HCN1: variants seen among roughly 807,000 people sequenced by gnomAD.
HCN1 encodes the protein hyperpolarization activated cyclic nucleotide gated potassium channel 1.
A neutral mutation model predicts 78.9 loss-of-function variants in HCN1; 13 were observed. The observed-to-expected ratio is 0.16, with a 90% CI of 0.11 to 0.26. The LOEUF (loss-of-function observed/expected upper bound fraction) is 0.26, where lower values mean the gene tolerates loss of function less well. Among genes scored for constraint, HCN1 ranks in the 10% least tolerant of loss-of-function variants. The pLI, the probability that HCN1 is intolerant of heterozygous loss-of-function variation, is 1.00. For missense variants in HCN1, 810 were observed against 1,154.3 expected, an observed-to-expected ratio of 0.70 and a Z score of 4.32; for synonymous variants, 552 against 455.5, an observed-to-expected ratio of 1.21 and a Z score of -2.70.
At chr5:45,600,197 G>A (rs572268468) in intron 2 of HCN1, among the ~76,000 whole-genome samples, 11 of 150,806 alleles carry the variant, frequency 7.3e-5, no homozygotes, top group South Asian at 2.1e-4. Flanking sequence ...ACACACACAC[G>A]CACACACACA....
At chr5:45,291,122 C>T (rs143168665) in intron 6 of HCN1, among the ~76,000 whole-genome samples, 19 of 152,066 alleles carry the variant, frequency 1.2e-4, no homozygotes, top group South Asian at 8.3e-4. Context: ...TTTGTTATCA[C>T]CAATAGCTTA....
At chr5:45,521,318 T>C (rs961737900) in intron 2 of HCN1, among the ~76,000 whole-genome samples, 1 of 151,912 alleles carries the variant, frequency 6.6e-6, no homozygotes, top group Admixed American at 6.6e-5. Context: ...AGTGTATTAG[T>C]TTCCAAGGGC....
At chr5:45,524,177 G>A (rs892449871) in intron 2 of HCN1, among the ~76,000 whole-genome samples, 6 of 152,098 alleles carry the variant, frequency 3.9e-5, no homozygotes, top group South Asian at 2.1e-4. Context: ...TTGTAGATAC[G>A]TGGCGTTATT....
At chr5:45,675,276 CCTTT>C (rs1339678048) in intron 1 of HCN1, among the ~76,000 whole-genome samples, 1 of 151,750 alleles carries the variant, frequency 6.6e-6, no homozygotes. Context: ...CCAGCCAAGT[CCTTT>C]CTCTCATTCT....
At chr5:45,503,435 T>G (rs564065023) in intron 2 of HCN1, among the ~76,000 whole-genome samples, 1 of 152,212 alleles carries the variant, frequency 6.6e-6, no homozygotes, top group Non-Finnish European at 1.5e-5. Flanking sequence ...AGAGATTGCT[T>G]TTAGTTCTAG....
intron 5 of HCN1, among the ~76,000 whole-genome samples, chr5:45,320,027 T>C (rs939976582): frequency 6.6e-6 from 1 of 151,918 alleles, no homozygotes; most frequent in Non-Finnish European, 1.5e-5. Context: ...GCTATACATA[T>C]AATTTCCACC....
intron 2 of HCN1, among the ~76,000 whole-genome samples, chr5:45,467,010 C>T (rs1741283310): frequency 6.6e-6 from 1 of 152,040 alleles, no homozygotes; most frequent in African/African-American, 2.4e-5. Context: ...AGCAATAATC[C>T]ACTCTTCAGC....
chr5:45,500,349 G>A (rs1742163531), intron 2 of HCN1, among the ~76,000 whole-genome samples: 1 of 151,864 alleles, frequency 6.6e-6, no homozygotes. Flanking sequence ...GAATTCATTT[G>A]GAATAATTTT....
intron 5 of HCN1, among the ~76,000 whole-genome samples, chr5:45,326,591 A>C (rs1253261460): frequency 6.6e-6 from 1 of 151,646 alleles, no homozygotes; most frequent in East Asian, 1.9e-4. Context: ...TATTTCTTTA[A>C]CTGCTAAATT....
chr5:45,454,651 AT>A (rs964168549), intron 3 of HCN1, among the ~76,000 whole-genome samples: 1 of 151,964 alleles, frequency 6.6e-6, no homozygotes, highest in Non-Finnish European at 1.5e-5. Flanking sequence ...TAATTAAGAG[AT>A]TTTTTAGCTC....
intron 5 of HCN1, among the ~76,000 whole-genome samples, chr5:45,352,592 A>T (rs968459251): frequency 6.6e-6 from 1 of 152,086 alleles, no homozygotes; most frequent in African/African-American, 2.4e-5. Context: ...GAGTGATCTG[A>T]ATATTCTAGT....
chr5:45,345,639 C>T (rs533852227), intron 5 of HCN1, among the ~76,000 whole-genome samples: 1 of 152,292 alleles, frequency 6.6e-6, no homozygotes, highest in Non-Finnish European at 1.5e-5. Context: ...ACCTTTGCTC[C>T]AGTTCCTAAC....
At chr5:45,378,588 T>C (rs1362232910) in intron 4 of HCN1, among the ~76,000 whole-genome samples, 2 of 152,100 alleles carry the variant, frequency 1.3e-5, no homozygotes, top group African/African-American at 4.8e-5. Context: ...AATTTTCCAA[T>C]GTTGGGTCAC....
chr5:45,275,453 T>C (rs1312140263), intron 6 of HCN1, among the ~76,000 whole-genome samples: 1 of 152,188 alleles, frequency 6.6e-6, no homozygotes, highest in Non-Finnish European at 1.5e-5. Context: ...AACATGTTTG[T>C]AACATGATTG....
chr5:45,507,426 T>C (rs1170800113), intron 2 of HCN1, among the ~76,000 whole-genome samples: 1 of 152,170 alleles, frequency 6.6e-6, no homozygotes, highest in Non-Finnish European at 1.5e-5. Context: ...TCTGTTGCCA[T>C]AGCAGCAGCT....
chr5:45,358,079 G>A (rs776771383), intron 4 of HCN1, among the ~76,000 whole-genome samples: 4 of 152,014 alleles, frequency 2.6e-5, no homozygotes, highest in Non-Finnish European at 5.9e-5. Context: ...GAACTTTCCA[G>A]CCATCAGAAT....
intron 5 of HCN1, among the ~76,000 whole-genome samples, chr5:45,327,396 A>G (rs569715297): frequency 6.6e-6 from 1 of 151,818 alleles, no homozygotes; most frequent in East Asian, 1.9e-4. Flanking sequence ...AAATTTTATT[A>G]TAGAATCCAC....
chr5:45,281,593 T>TG (rs1164437917), intron 6 of HCN1, among the ~76,000 whole-genome samples: 2 of 134,780 alleles, frequency 1.5e-5, no homozygotes, highest in African/African-American at 5.6e-5. Context: ...TTTTTTTTTT[T>TG]TTTTTTTTTT....
At chr5:45,495,136 G>T (rs1460810530) in intron 2 of HCN1, among the ~76,000 whole-genome samples, 3 of 131,738 alleles carry the variant, frequency 2.3e-5, no homozygotes, top group African/African-American at 8.7e-5. Context: ...ATTCTGTGAA[G>T]AAAGTCATTG....
Sources: gnomAD v4.1 joint callset for allele counts (sites outside exome capture counted in the v4.1 genomes callset) on GRCh38, gnomAD v4.1.1 for gene constraint, MANE v1.5 for transcripts, NCBI Gene and HGNC (gene_info 2026-07-23, HGNC 2026-07-21) for gene names.